The following KIF6 variants were observed in gnomAD, a reference collection of about 807,000 sequenced individuals.
KIF6 encodes kinesin family member 6.
Under a neutral mutation model 112.7 loss-of-function variants are expected in KIF6, and 106 were observed. The observed-to-expected ratio is 0.94, with a 90% CI of 0.80 to 1.11. The LOEUF (loss-of-function observed/expected upper bound fraction) is 1.11, where lower values mean the gene tolerates loss of function less well. KIF6 is among the 50% of genes least tolerant of loss of function. The pLI, the probability that KIF6 is intolerant of heterozygous loss-of-function variation, is 0.00. For synonymous variants in KIF6, 339 were observed against 339.9 expected (o/e 1.00, Z 0.03); for missense variants, 929 against 964.0 (o/e 0.96, Z 0.48).
chr6:39,410,069 T>A (rs1393366668), intron 15 of KIF6, among the ~76,000 whole-genome samples: 1 of 152,234 alleles, frequency 6.6e-6, no homozygotes, highest in East Asian at 1.9e-4. Flanking sequence ...TCCTTCCTTT[T>A]AGAGAGTGCC....
chr6:39,557,906 T>G (rs1044127249), intron 10 of KIF6, among the ~76,000 whole-genome samples: 2 of 151,340 alleles, frequency 1.3e-5, no homozygotes, highest in Admixed American at 1.3e-4. Context: ...TAATAATACT[T>G]GTTATCTTTG....
At chr6:39,454,373 T>C (rs1430630257) in intron 13 of KIF6, among the ~76,000 whole-genome samples, 4 of 151,754 alleles carry the variant, frequency 2.6e-5, no homozygotes, top group African/African-American at 9.7e-5. Flanking sequence ...TGTGAATAGA[T>C]AGAATGGAGG....
chr6:39,489,869 G>A (rs1351117891), intron 13 of KIF6, among the ~76,000 whole-genome samples: 1 of 152,176 alleles, frequency 6.6e-6, no homozygotes, highest in Non-Finnish European at 1.5e-5. Context: ...GAATGACAGA[G>A]AGCAGAAAGC....
chr6:39,705,515 A>G (rs1044474382), intron 3 of KIF6, among the ~76,000 whole-genome samples: 8 of 152,220 alleles, frequency 5.3e-5, no homozygotes, highest in African/African-American at 1.9e-4. Context: ...CTATCTGCCA[A>G]TTCTCTTCCT....
intron 3 of KIF6, among the ~76,000 whole-genome samples, chr6:39,662,829 T>G (rs1786241394): frequency 6.6e-6 from 1 of 152,144 alleles, no homozygotes; most frequent in Non-Finnish European, 1.5e-5. Flanking sequence ...CACACACACA[T>G]AGTCAAAAAT....
intron 15 of KIF6, among the ~76,000 whole-genome samples, chr6:39,404,404 GT>G (rs1165300780): frequency 2.4e-5 from 3 of 126,534 alleles, no homozygotes; most frequent in Non-Finnish European, 5.0e-5. Context: ...ATATCCAATT[GT>G]TTTAATATTG....
chr6:39,524,156 G>C (rs1407966186), intron 13 of KIF6, among the ~76,000 whole-genome samples: 1 of 150,632 alleles, frequency 6.6e-6, no homozygotes, highest in Non-Finnish European at 1.5e-5. Context: ...GTGTGAAAGA[G>C]AGAGAGAGAG....
chr6:39,523,688 A>G (rs1582044500), intron 13 of KIF6, among the ~76,000 whole-genome samples: 1 of 104,724 alleles, frequency 9.5e-6, no homozygotes, highest in South Asian at 3.1e-4. Flanking sequence ...ATATATATAT[A>G]TATATATATG....
At chr6:39,633,993 C>T (rs963125992) in intron 5 of KIF6, among the ~76,000 whole-genome samples, 18 of 152,182 alleles carry the variant, frequency 1.2e-4, no homozygotes, top group Middle Eastern at 3.4e-3. Context: ...CCTATTTCTT[C>T]GAATATATTC....
rs569936707 is a variant in KIF6, at chr6:39,552,439, G to A, written c.1182-6751C>T. Among the ~76,000 whole-genome samples the A allele has an allele frequency of 7.8e-4, 119 of 152,250 alleles. 1 individual carries two copies. Among genetic ancestry groups the A allele is most frequent in the Admixed American group, 1.4e-3 (22 of 15,302 alleles). On this transcript the variant is annotated intron_variant, in intron 10 of 22. Coordinates refer to ENST00000287152, the MANE Select transcript of KIF6 (RefSeq NM_145027.6). ...TATAAATTATTATCACTCTTTCACA[G>A]ATGGGAATAGGAAAGCTAAGAGAAG...
chr6:39,488,423 C>T (rs1169941702), intron 13 of KIF6, among the ~76,000 whole-genome samples: 1 of 152,204 alleles, frequency 6.6e-6, no homozygotes, highest in African/African-American at 2.4e-5. Flanking sequence ...TTCTGCTTTG[C>T]CCCACTGGTT....
intron 7 of KIF6, among the ~76,000 whole-genome samples, chr6:39,590,451 A>ATATTTT (rs1338373703): frequency 1.8e-4 from 15 of 84,748 alleles, no homozygotes; most frequent in South Asian, 1.1e-3. Flanking sequence ...ATATATATAT[A>ATATTTT]TTTTTTTTTT....
At chr6:39,603,705 T>A (rs951835321) in intron 6 of KIF6, among the ~76,000 whole-genome samples, 1 of 152,078 alleles carries the variant, frequency 6.6e-6, no homozygotes, top group Non-Finnish European at 1.5e-5. Context: ...GTAAAATTAA[T>A]TTTTTTCTGC....
At chr6:39,457,986 A>G (rs1181867289) in intron 13 of KIF6, among the ~76,000 whole-genome samples, 3 of 150,954 alleles carry the variant, frequency 2.0e-5, no homozygotes, top group Admixed American at 6.6e-5. Context: ...ATTCCAATCA[A>G]TAGAAAAAGA....
chr6:39,467,532 T>C (rs1336416753), intron 13 of KIF6, among the ~76,000 whole-genome samples: 1 of 151,358 alleles, frequency 6.6e-6, no homozygotes, highest in African/African-American at 2.4e-5. Flanking sequence ...GCTAAAACCA[T>C]TGTCATCCTA....
At chr6:39,594,315 T>C (rs1227457384) in intron 7 of KIF6, among the ~76,000 whole-genome samples, 1 of 152,074 alleles carries the variant, frequency 6.6e-6, no homozygotes, top group African/African-American at 2.4e-5. Context: ...CAGATGGATA[T>C]AATGGAAATT....
At chr6:39,498,076 A>G (rs1006393487) in intron 13 of KIF6, among the ~76,000 whole-genome samples, 6 of 152,188 alleles carry the variant, frequency 3.9e-5, no homozygotes, top group African/African-American at 1.2e-4. Context: ...GCCCATGTTC[A>G]CTAATTGTCT....
chr6:39,608,950 A>G (rs1783044158), intron 6 of KIF6, among the ~76,000 whole-genome samples: 1 of 152,220 alleles, frequency 6.6e-6, no homozygotes, highest in African/African-American at 2.4e-5. Flanking sequence ...AATAGTTGCC[A>G]GCTAAGAACT....
chr6:39,603,924 C>T (rs1175004777), intron 6 of KIF6, among the ~76,000 whole-genome samples: 1 of 152,014 alleles, frequency 6.6e-6, no homozygotes, highest in Admixed American at 6.6e-5. Flanking sequence ...AGTAAAATAT[C>T]TCGACAGGAA....
Sources: allele counts gnomAD v4.1 joint callset (sites outside exome capture counted in the v4.1 genomes callset), GRCh38; gene constraint gnomAD v4.1.1; transcripts MANE v1.5; gene names NCBI Gene and HGNC (gene_info 2026-07-23, HGNC 2026-07-21).